Variants in NLGN4X observed in about 807,000 individuals in gnomAD.
NLGN4X encodes the protein neuroligin 4 X-linked.
A neutral mutation model predicts 40.3 loss-of-function variants in NLGN4X; 3 were observed. That is an observed-to-expected ratio of 0.07 (90% CI 0.03 to 0.19). NLGN4X has a LOEUF of 0.19. Ranked by LOEUF, NLGN4X falls within the 10% of genes least tolerant of loss-of-function variation. The pLI is 1.00. For synonymous variants in NLGN4X, 270 were observed against 306.8 expected (o/e 0.88, Z 1.25); for missense variants, 382 against 708.3 (o/e 0.54, Z 5.23).
intron 3 of NLGN4X, among the ~76,000 whole-genome samples, chrX:6,007,135 T>C (rs1007428999): frequency 8.9e-6 from 1 of 111,924 alleles, no homozygotes; most frequent in African/African-American, 3.2e-5. Flanking sequence ...GTAGTAGTCA[T>C]AAAAAAGAAT....
At chrX:6,115,576 C>G (rs992790756) in intron 2 of NLGN4X, among the ~76,000 whole-genome samples, 30 of 111,886 alleles carry the variant, frequency 2.7e-4, no homozygotes, top group Admixed American at 9.4e-4. Context: ...GAAGCCAGAA[C>G]TGATTCTTGC....
intron 1 of NLGN4X, chrX:6,226,524 C>T (rs1487912119): frequency 3.6e-5 from 4 of 111,667 alleles, no homozygotes; most frequent in African/African-American, 1.3e-4. Flanking sequence ...CGAGCAGGCG[C>T]CGGAATCGTG....
At chrX:5,978,330 TTCTTTCTTTCTTTC>T (rs1380430870) in intron 3 of NLGN4X, among the ~76,000 whole-genome samples, 2 of 18,239 alleles carry the variant, frequency 1.1e-4, no homozygotes, top group African/African-American at 4.7e-4. Context: ...CTTTCTTTCT[TTCTTTCTTTCTTTC>T]CCTTCCTTCT....
intron 2 of NLGN4X, among the ~76,000 whole-genome samples, chrX:6,069,493 A>C (rs1227034048): frequency 8.9e-6 from 1 of 111,819 alleles, no homozygotes. Flanking sequence ...AAATTTAAAC[A>C]ATGAACCAAC....
chrX:5,997,565 CATGTGT>C (rs1263586891), intron 3 of NLGN4X, among the ~76,000 whole-genome samples: 4 of 68,079 alleles, frequency 5.9e-5, no homozygotes, highest in East Asian at 6.3e-4. Context: ...TATAAAATTA[CATGTGT>C]GTGTGTGTGT....
intron 1 of NLGN4X, among the ~76,000 whole-genome samples, chrX:6,206,804 C>A (rs1924074359): frequency 8.9e-6 from 1 of 111,925 alleles, no homozygotes; most frequent in Admixed American, 9.5e-5. Flanking sequence ...GTAATTACAT[C>A]TGCAAAGACC....
chrX:6,096,525 G>A (rs750893652), intron 2 of NLGN4X, among the ~76,000 whole-genome samples: 1 of 111,514 alleles, frequency 9.0e-6, no homozygotes, highest in African/African-American at 3.3e-5. Flanking sequence ...AATTGAATTC[G>A]CAATGCAGCT....
chrX:5,969,089 A>T (rs965499624), intron 3 of NLGN4X, among the ~76,000 whole-genome samples: 7 of 110,547 alleles, frequency 6.3e-5, no homozygotes, highest in Admixed American at 1.9e-4. Flanking sequence ...AACCTAGGCA[A>T]TACCATTCAG....
chrX:5,969,708 TA>T (rs1236391728), intron 3 of NLGN4X, among the ~76,000 whole-genome samples: 8 of 110,729 alleles, frequency 7.2e-5, no homozygotes, highest in Admixed American at 4.8e-4. Context: ...CATGCTGCTA[TA>T]AAGACACATG....
chrX:6,072,629 A>G (rs996445764), intron 2 of NLGN4X, among the ~76,000 whole-genome samples: 3 of 111,753 alleles, frequency 2.7e-5, no homozygotes, highest in African/African-American at 9.8e-5. Flanking sequence ...CCTACTCAGC[A>G]TCTGTCATAA....
chrX:6,042,685 T>TTATATATATATATATATATATATATACA (rs2037190692), intron 2 of NLGN4X, among the ~76,000 whole-genome samples: 1 of 28,393 alleles, frequency 3.5e-5, no homozygotes, highest in Non-Finnish European at 5.7e-5. Flanking sequence ...CATAGAGGTT[T>TTATATATATATATATATATATATATACA]TATATATATA....
chrX:6,192,228 A>G (rs1253734647), intron 1 of NLGN4X, among the ~76,000 whole-genome samples: 1 of 111,215 alleles, frequency 9.0e-6, no homozygotes, highest in Non-Finnish European at 1.9e-5. Context: ...CCTGAGCTCA[A>G]GCGATCCTCC....
At chrX:5,970,141 T>C (rs1255892760) in intron 3 of NLGN4X, among the ~76,000 whole-genome samples, 1 of 109,290 alleles carries the variant, frequency 9.1e-6, no homozygotes, top group Non-Finnish European at 1.9e-5. Flanking sequence ...ACCTGCACAT[T>C]GTGCACATGT....
chrX:6,049,501 G>A (rs936537595), intron 2 of NLGN4X, among the ~76,000 whole-genome samples: 1 of 108,907 alleles, frequency 9.2e-6, no homozygotes, highest in Non-Finnish European at 1.9e-5. Context: ...TTCCATCATC[G>A]TCTGTCTTTG....
chrX:5,896,284 AC>A (rs2031489272), intron 5 of NLGN4X, among the ~76,000 whole-genome samples: 1 of 112,069 alleles, frequency 8.9e-6, no homozygotes, highest in South Asian at 3.8e-4. Context: ...ATGAGCTGCC[AC>A]CTGATACCGT....
intron 3 of NLGN4X, among the ~76,000 whole-genome samples, chrX:5,988,803 G>A (rs1281740525): frequency 8.9e-6 from 1 of 112,185 alleles, no homozygotes; most frequent in Non-Finnish European, 1.9e-5. Context: ...ATTGGCTCCC[G>A]CCTGTAATCC....
At chrX:6,131,205 A>G (rs958014772) in intron 2 of NLGN4X, among the ~76,000 whole-genome samples, 1 of 111,347 alleles carries the variant, frequency 9.0e-6, no homozygotes, top group African/African-American at 3.3e-5. Flanking sequence ...CTATTCATGC[A>G]TTAAAAAAAA....
intron 1 of NLGN4X, among the ~76,000 whole-genome samples, chrX:6,152,804 G>A (rs1215884139): frequency 8.9e-6 from 1 of 112,528 alleles, no homozygotes; most frequent in South Asian, 3.6e-4. Flanking sequence ...TGACTTTCCA[G>A]TAAGCCACTG....
intron 3 of NLGN4X, among the ~76,000 whole-genome samples, chrX:5,961,816 C>G (rs1363506744): frequency 8.9e-6 from 1 of 111,808 alleles, no homozygotes; most frequent in Non-Finnish European, 1.9e-5. Flanking sequence ...CCTGAGGTAT[C>G]CTGAAGAGGA....
Sources: allele counts gnomAD v4.1 joint callset (sites outside exome capture counted in the v4.1 genomes callset), GRCh38; gene constraint gnomAD v4.1.1; transcripts MANE v1.5; gene names NCBI Gene and HGNC (gene_info 2026-07-23, HGNC 2026-07-21).